FILIP1L: variants seen among roughly 807,000 people sequenced by gnomAD.
FILIP1L encodes the protein filamin A interacting protein 1 like.
Under a neutral mutation model 96.6 loss-of-function variants are expected in FILIP1L, and 55 were observed. The observed-to-expected ratio is 0.57, with a 90% CI of 0.46 to 0.71. FILIP1L has a LOEUF of 0.71. Among genes scored for constraint, FILIP1L ranks in the 30% least tolerant of loss-of-function variants. The probability of loss-of-function intolerance (pLI) is 0.00; values close to 1 mark genes in which losing one functional copy is unlikely to be tolerated. For missense variants in FILIP1L, 1,304 were observed against 1,321.2 expected (o/e 0.99, Z 0.20); for synonymous variants, 467 against 473.9 (o/e 0.99, Z 0.19).
intron 1 of FILIP1L, among the ~76,000 whole-genome samples, chr3:100,080,136 T>C (rs1196836739): frequency 1.3e-5 from 2 of 152,046 alleles, no homozygotes; most frequent in Non-Finnish European, 2.9e-5. Flanking sequence ...CTTTAATTAA[T>C]AAAAAATTAA....
chr3:99,968,452 G>C (rs996347576), intron 1 of FILIP1L, among the ~76,000 whole-genome samples: 8 of 151,338 alleles, frequency 5.3e-5, no homozygotes, highest in Admixed American at 3.9e-4. Flanking sequence ...AAGACTGAAT[G>C]ATATGTTGGG....
chr3:99,957,693 C>CTT lies in FILIP1L; in HGVS notation c.-10-26665_-10-26664dup, dbSNP rs779350496. On this transcript the variant is annotated intron_variant, in intron 1 of 5. Coordinates refer to ENST00000477258, the MANE Select transcript of FILIP1L (RefSeq NM_001387850.1). ...TTCTCCTTTTCTCTTTTCTTTCTTTCTTTTTTTTTTTTTTTTTTTTTTTTT... is the reference window on the plus strand; with the variant it reads ...TTCTCCTTTTCTCTTTTCTTTCTTTCTTTTTTTTTTTTTTTTTTTTTTTTTTT... Among the ~76,000 whole-genome samples the CTT allele has an allele frequency of 1.1e-3, 21 of 19,900 alleles. 1 individual carries two copies. The highest frequency in any genetic ancestry group is 3.4e-3 in the South Asian group (1 of 290). 13.1% of individuals were successfully genotyped at this position (19,900 alleles called of 152,430 possible). A position where few individuals can be genotyped will look rare whatever the true frequency, so the allele number is the denominator to read the frequency against.
chr3:100,112,061 G>A (rs1414423223), intron 1 of FILIP1L, among the ~76,000 whole-genome samples: 3 of 152,126 alleles, frequency 2.0e-5, no homozygotes, highest in African/African-American at 7.2e-5. Context: ...TAAAATAGTT[G>A]ATGAATGAAT....
chr3:100,005,059 G>A (rs1029652357), intron 1 of FILIP1L, among the ~76,000 whole-genome samples: 6 of 152,172 alleles, frequency 3.9e-5, no homozygotes, highest in South Asian at 4.1e-4. Context: ...GCAGCAGGAC[G>A]TAACCAGAAA....
intron 5 of FILIP1L, among the ~76,000 whole-genome samples, chr3:99,843,113 C>G (rs1418802711): frequency 6.6e-6 from 1 of 152,194 alleles, no homozygotes; most frequent in Non-Finnish European, 1.5e-5. Context: ...CTTGCTCTTT[C>G]TTGTATTTGC....
chr3:99,870,868 C>A (rs533796886), intron 4 of FILIP1L, among the ~76,000 whole-genome samples: 2 of 152,168 alleles, frequency 1.3e-5, no homozygotes, highest in Non-Finnish European at 2.9e-5. Flanking sequence ...ATCTTCCAGG[C>A]CTTCACCTGA....
At chr3:99,833,688 G>A (rs940946338) in intron 5 of FILIP1L, among the ~76,000 whole-genome samples, 1 of 152,172 alleles carries the variant, frequency 6.6e-6, no homozygotes, top group Non-Finnish European at 1.5e-5. Flanking sequence ...GTTTTCTCAG[G>A]AGCGGTCCTG....
chr3:99,905,141 A>C (rs1325728742), intron 4 of FILIP1L, among the ~76,000 whole-genome samples: 1 of 152,178 alleles, frequency 6.6e-6, no homozygotes, highest in Non-Finnish European at 1.5e-5. Context: ...CTTCCTAGAT[A>C]GCTTATCCCC....
At chr3:99,992,580 C>T (rs561589369) in intron 1 of FILIP1L, among the ~76,000 whole-genome samples, 17 of 152,028 alleles carry the variant, frequency 1.1e-4, no homozygotes, top group African/African-American at 4.1e-4. Context: ...TTGTCAGATG[C>T]ATAGTTGCAA....
chr3:99,900,650 A>T lies in FILIP1L; in HGVS notation c.605+23580T>A, dbSNP rs553203380. On this transcript the variant is annotated intron_variant, in intron 4 of 5. Transcript: ENST00000477258. Reference sequence around the variant, plus strand: ...CTTAATATTCATCAGAACTTCCATAAAGTACCAAATGGGCTGATCATTGTG... The same window carrying T: ...CTTAATATTCATCAGAACTTCCATATAGTACCAAATGGGCTGATCATTGTG... 1.2e-4 allele frequency among the ~76,000 whole-genome samples: 18 copies of T among 152,314 alleles called. No homozygotes were observed. The South Asian group carries it at 3.7e-3, about 32-fold the overall frequency.
At chr3:99,835,002 A>G (rs1159401002) in intron 5 of FILIP1L, among the ~76,000 whole-genome samples, 1 of 152,224 alleles carries the variant, frequency 6.6e-6, no homozygotes, top group East Asian at 1.9e-4. Flanking sequence ...TGTTGTGATC[A>G]TCATCAGCAT....
chr3:99,992,363 C>T (rs1423459688), intron 1 of FILIP1L, among the ~76,000 whole-genome samples: 1 of 152,030 alleles, frequency 6.6e-6, no homozygotes, highest in African/African-American at 2.4e-5. Context: ...AATAGCCATT[C>T]TGACTGATAT....
chr3:99,964,137 T>G (rs1576605019), intron 1 of FILIP1L, among the ~76,000 whole-genome samples: 1 of 152,172 alleles, frequency 6.6e-6, no homozygotes, highest in East Asian at 1.9e-4. Context: ...TAGACTTATA[T>G]GCTCAGTAGG....
Position 99,848,403 on chromosome 3 carries a change from T to C in FILIP1L, c.3273A>G (p.Arg1091=). 6.2e-7 allele frequency: 1 copy of C among 1,614,212 alleles called. No homozygotes were observed. The highest frequency in any genetic ancestry group is 8.5e-7 in the Non-Finnish European group (1 of 1,180,020). Residue 1091 remains arginine, a synonymous_variant, in exon 5 of 6, where the codon CGA becomes CGG. Transcript: ENST00000477258. The stretch of plus-strand genomic sequence containing the variant: ...GTGCCCCGTTAATTAAGCCTTGAGT[T>C]CGGTTATCCTGCAGTGGTGCTGAAG... ...ASPSAPLQDN[R]TQGLINGALN... is the part of the protein sequence containing the mutation.
rs573584109 is a variant in FILIP1L at position 99,903,278 on chromosome 3, A to G, written c.605+20952T>C. Among the ~76,000 whole-genome samples, 1,396 of 151,632 alleles carry G rather than the reference A, an allele frequency of 9.2e-3. 25 individuals carry two copies. Among genetic ancestry groups the G allele is most frequent in the Admixed American group, 0.044 (667 of 15,228 alleles). On this transcript the variant is annotated intron_variant, in intron 4 of 5. Coordinates refer to ENST00000477258, the MANE Select transcript of FILIP1L (RefSeq NM_001387850.1). ...TGCATGTTTTTTTTTTTGAGACGGA[A>G]TCTCGCTCTGTCACCCAGGCTGGAG...
At chr3:100,040,441 C>T (rs997290966) in intron 1 of FILIP1L, 2 of 152,014 alleles carry the variant, frequency 1.3e-5, no homozygotes, top group African/African-American at 4.8e-5. Flanking sequence ...CAGATGTGAC[C>T]GTGGTTTTAG....
chr3:99,851,459 G>A (rs1265132129), intron 4 of FILIP1L, among the ~76,000 whole-genome samples: 2 of 152,208 alleles, frequency 1.3e-5, no homozygotes, highest in African/African-American at 4.8e-5. Context: ...CCAACTAATT[G>A]ATCTGGGCAG....
chr3:99,974,614 G>A (rs1211607910), intron 1 of FILIP1L, among the ~76,000 whole-genome samples: 1 of 152,082 alleles, frequency 6.6e-6, no homozygotes, highest in African/African-American at 2.4e-5. Context: ...GGCTGAGGCA[G>A]GAGAATCACT....
At chr3:99,906,175 G>A (rs577313404) in intron 4 of FILIP1L, among the ~76,000 whole-genome samples, 6 of 152,262 alleles carry the variant, frequency 3.9e-5, no homozygotes, top group Admixed American at 1.3e-4. Flanking sequence ...TCCACCCTGG[G>A]TGACAGGGCC....
Sources: allele counts gnomAD v4.1 joint callset (sites outside exome capture counted in the v4.1 genomes callset), GRCh38; gene constraint gnomAD v4.1.1; transcripts MANE v1.5; gene names NCBI Gene and HGNC (gene_info 2026-07-23, HGNC 2026-07-21).